AOX1: variants seen among roughly 807,000 people sequenced by gnomAD.
AOX1 encodes aldehyde oxidase 1, also known as aldehyde oxidase.
Under a neutral mutation model 169.5 loss-of-function variants are expected in AOX1, and 153 were observed. That is an observed-to-expected ratio of 0.90 (90% CI 0.79 to 1.03). The LOEUF (loss-of-function observed/expected upper bound fraction) is 1.03, where lower values mean the gene tolerates loss of function less well. AOX1 is among the 50% of genes least tolerant of loss of function. The pLI is 0.00. For synonymous variants in AOX1, 562 were observed against 581.9 expected (o/e 0.97, Z 0.49); for missense variants, 1,656 against 1,663.9 (o/e 1.00, Z 0.08).
At chr2:200,648,627 C>T (rs973406799) in intron 25 of AOX1, among the ~76,000 whole-genome samples, 1 of 152,102 alleles carries the variant, frequency 6.6e-6, no homozygotes, top group African/African-American at 2.4e-5. Context: ...GAGGGATTGG[C>T]GGTGGGCAGG....
Position 200,641,503 on chromosome 2 carries a change from T to A in AOX1, c.2655+319T>A, listed in dbSNP as rs578206538. ...CTCTTTATGGTGGGGACTATCCTGCTCATTGTACCATCTTTGGCCTCTACT... is the reference window on the plus strand; with the variant it reads ...CTCTTTATGGTGGGGACTATCCTGCACATTGTACCATCTTTGGCCTCTACT... On this transcript the variant is annotated intron_variant, in intron 24 of 34. Coordinates refer to ENST00000374700, the MANE Select transcript of AOX1 (RefSeq NM_001159.4). Among the ~76,000 whole-genome samples the A allele has an allele frequency of 2.0e-5, 3 of 152,156 alleles. No homozygotes were observed. The East Asian group carries it at 5.8e-4, about 30-fold the overall frequency.
intron 1 of AOX1, among the ~76,000 whole-genome samples, chr2:200,590,098 C>T (rs558674196): frequency 1.1e-4 from 16 of 152,262 alleles, no homozygotes; most frequent in African/African-American, 3.4e-4. Context: ...CTTTCCTCCT[C>T]TTCTACCTCT....
At chr2:200,647,250 C>G (rs1180199373) in intron 25 of AOX1, among the ~76,000 whole-genome samples, 1 of 152,178 alleles carries the variant, frequency 6.6e-6, no homozygotes, top group Non-Finnish European at 1.5e-5. Context: ...AGATTTAGAG[C>G]TGCTTTTAGC....
chr2:200,660,147 T>C, intron 29 of AOX1, 78 bp downstream of exon 29: 1 of 1,229,866 alleles, frequency 8.1e-7, no homozygotes, highest in Non-Finnish European at 1.2e-6. Context: ...GTGCATTAAT[T>C]GAAATCTGTA....
chr2:200,678,846 TG>T (rs1042977409), downstream of AOX1, among the ~76,000 whole-genome samples: 64 of 152,330 alleles, frequency 4.2e-4, no homozygotes, highest in African/African-American at 1.4e-3. Flanking sequence ...TACCTGCCCT[TG>T]TACAGCTTAC....
At chr2:200,587,808 C>A (rs1163721358) in intron 1 of AOX1, among the ~76,000 whole-genome samples, 1 of 152,104 alleles carries the variant, frequency 6.6e-6, no homozygotes, top group Non-Finnish European at 1.5e-5. Flanking sequence ...GTCTTCAATT[C>A]CAATTCTAAT....
chr2:200,631,508 C>T (rs2035125511), intron 20 of AOX1, among the ~76,000 whole-genome samples: 1 of 152,092 alleles, frequency 6.6e-6, no homozygotes. Flanking sequence ...ACTTTAAGGG[C>T]CTCTTATTAA....
chr2:200,677,179 T>C (rs1203632633), downstream of AOX1: 1 of 290,360 alleles, frequency 3.4e-6, no homozygotes, highest in Non-Finnish European at 6.8e-6. Context: ...ACAATCTGTA[T>C]CTGTAGTCCT....
At chr2:200,612,902 C>A (rs1429199088) in intron 14 of AOX1, 109 bp downstream of exon 14, 5 of 816,732 alleles carry the variant, frequency 6.1e-6, no homozygotes, top group African/African-American at 1.7e-5. Context: ...GTGTTCCATA[C>A]CTTTCTATTT....
At chr2:200,616,470 T>C (rs2034761053) in intron 16 of AOX1, among the ~76,000 whole-genome samples, 1 of 152,152 alleles carries the variant, frequency 6.6e-6, no homozygotes, top group Non-Finnish European at 1.5e-5. Context: ...CCCCTAGAGG[T>C]TGATGAAAAT....
rs2035380003 is a variant in AOX1 at position 200,642,840 on chromosome 2, T to C, written c.2847+39T>C. ...AGCTTCACAGACAAAACATGTGGAA[T>C]GTCAGAGACGGTAGGGCCTTTGGGG... is the stretch of plus-strand genomic sequence containing the variant. On this transcript the variant is annotated intron_variant, in intron 25 of 34. Transcript: ENST00000374700. 3 of 1,585,634 alleles carry C rather than the reference T, an allele frequency of 1.9e-6. No homozygotes were observed. In the South Asian group the frequency reaches 3.4e-5, roughly 18 times the overall value.
At chr2:200,658,857 G>A (rs969057908) in intron 27 of AOX1, among the ~76,000 whole-genome samples, 1 of 152,174 alleles carries the variant, frequency 6.6e-6, no homozygotes, top group Admixed American at 6.5e-5. Flanking sequence ...CCTCAAAGAT[G>A]TCAATATCAT....
intron 25 of AOX1, among the ~76,000 whole-genome samples, chr2:200,646,868 C>A (rs1287947402): frequency 6.6e-6 from 1 of 152,038 alleles, no homozygotes; most frequent in African/African-American, 2.4e-5. Context: ...TGATTTATAT[C>A]AGACAGAATA....
intron 1 of AOX1, among the ~76,000 whole-genome samples, chr2:200,587,035 G>A (rs2034051286): frequency 6.6e-6 from 1 of 152,126 alleles, no homozygotes; most frequent in South Asian, 2.1e-4. Flanking sequence ...GGGAGACCGA[G>A]GCAGGAGGAT....
In AOX1 at chr2:200,670,869, C is replaced by A; in HGVS notation, c.*190C>A. 2.0e-6 allele frequency: 1 copy of A among 511,072 alleles called. No homozygotes were observed. The highest frequency in any genetic ancestry group is 3.5e-6 in the Non-Finnish European group (1 of 287,716). 31.7% of individuals were successfully genotyped at this position (511,072 alleles called of 1,614,324 possible). A position where few individuals can be genotyped will look rare whatever the true frequency, so the allele number is the denominator to read the frequency against. ...GATTTGATAGATATGCTTAAGCAAT[C>A]TATAAATCATTTTCAATGTTATAAA... On this transcript the variant is annotated 3_prime_UTR_variant, in exon 35 of 35. Transcript: ENST00000374700.
intron 12 of AOX1, among the ~76,000 whole-genome samples, chr2:200,609,842 G>C (rs984076088): frequency 5.9e-5 from 9 of 152,204 alleles, no homozygotes; most frequent in Middle Eastern, 3.4e-3. Flanking sequence ...GTCTTTTTCA[G>C]GTGAAAAATG....
At chr2:200,635,019 G>A (rs2035202746) in intron 21 of AOX1, 104 bp downstream of exon 21, 3 of 1,445,278 alleles carry the variant, frequency 2.1e-6, no homozygotes, top group Admixed American at 4.0e-5. Context: ...ATTTGAGGTG[G>A]GGGGATTGCT....
At position 200,668,743 on chromosome 2, in the gene AOX1, G is replaced by A. The variant is rs139393113; in HGVS notation, c.3738G>A (p.Thr1246=). ...YKIPAICDMP[T]ELHIALLPPS... The stretch of plus-strand genomic sequence containing the variant: ...TCCCTGCCATCTGTGACATGCCCAC[G>A]GAGTTGCACATTGCTTTGTTGCCTC... Residue 1246 remains threonine, a synonymous_variant, in exon 33 of 35, where the codon ACG becomes ACA. Coordinates refer to ENST00000374700, the MANE Select transcript of AOX1 (RefSeq NM_001159.4). 40 of 1,614,106 alleles carry A rather than the reference G, an allele frequency of 2.5e-5. No individual in the cohort carries two copies. The highest frequency in any genetic ancestry group is 1.7e-4 in the African/African-American group (13 of 75,042).
chr2:200,613,607 C>T (rs947193252), intron 14 of AOX1, among the ~76,000 whole-genome samples, 197 bp from the exon 15 acceptor site: 1 of 152,126 alleles, frequency 6.6e-6, no homozygotes, highest in Non-Finnish European at 1.5e-5. Flanking sequence ...TAATATTCCC[C>T]TTTTACAGGT....
Sources: allele counts gnomAD v4.1 joint callset (sites outside exome capture counted in the v4.1 genomes callset), GRCh38; gene constraint gnomAD v4.1.1; transcripts MANE v1.5; gene names NCBI Gene and HGNC (gene_info 2026-07-23, HGNC 2026-07-21).